PLSCR2: variants seen among roughly 807,000 people sequenced by gnomAD.
The protein encoded by PLSCR2 is phospholipid scramblase 2.
A neutral mutation model predicts 25.3 loss-of-function variants in PLSCR2; 18 were observed. The ratio of observed to expected loss-of-function variants is 0.71; its 90% CI spans 0.49 to 1.06. PLSCR2 has a LOEUF of 1.06. Among genes scored for constraint, PLSCR2 ranks in the 50% least tolerant of loss-of-function variants. The pLI, the probability that PLSCR2 is intolerant of heterozygous loss-of-function variation, is 0.00. For missense variants in PLSCR2, 243 were observed against 269.5 expected, an observed-to-expected ratio of 0.90 and a Z score of 0.69; for synonymous variants, 88 against 87.3, an observed-to-expected ratio of 1.01 and a Z score of -0.04.
exon 2 of PLSCR2, chr3:146,460,023 T>C (rs2041471659): frequency 6.2e-7 from 1 of 1,602,374 alleles, no homozygotes; most frequent in African/African-American, 1.3e-5. Context: ...GCCCAGGTGG[T>C]CAGCCTGTTT....
chr3:146,395,579 C>G (rs569804830), intron 3 of PLSCR2, among the ~76,000 whole-genome samples: 1 of 152,290 alleles, frequency 6.6e-6, no homozygotes, highest in African/African-American at 2.4e-5. Context: ...CTAGGACACT[C>G]TAATTTTTGC....
intron 8 of PLSCR2, among the ~76,000 whole-genome samples, chr3:146,435,871 GCCTAGGTTTTCT>G (rs2108168909): frequency 6.6e-6 from 1 of 152,266 alleles, no homozygotes; most frequent in East Asian, 1.9e-4. Context: ...GAATGGTATT[GCCTAGGTTTTCT>G]CCTAGGGTTT....
intron 4 of PLSCR2, among the ~76,000 whole-genome samples, 181 bp downstream of exon 4, chr3:146,455,058 C>T (rs1447715208): frequency 6.6e-6 from 1 of 152,120 alleles, no homozygotes; most frequent in Non-Finnish European, 1.5e-5. Flanking sequence ...CTGCGGGACA[C>T]GAGGCTAACT....
chr3:146,413,315 A>C (rs1467106487), intron 2 of PLSCR2, among the ~76,000 whole-genome samples: 1 of 152,000 alleles, frequency 6.6e-6, no homozygotes, highest in African/African-American at 2.4e-5. Flanking sequence ...GCTTGGCTAC[A>C]CTTTTGGTTT....
downstream of PLSCR2, among the ~76,000 whole-genome samples, chr3:146,429,991 G>A (rs1334959432): frequency 6.6e-6 from 1 of 152,088 alleles, no homozygotes; most frequent in African/African-American, 2.4e-5. Context: ...TTCTGTCCTA[G>A]GATAATTAAA....
At chr3:146,428,241 G>T (rs982691644) in intron 2 of PLSCR2, among the ~76,000 whole-genome samples, 4 of 152,108 alleles carry the variant, frequency 2.6e-5, no homozygotes, top group Admixed American at 1.3e-4. Flanking sequence ...GATTAAAGTT[G>T]AAATGTTTCT....
intron 1 of PLSCR2, among the ~76,000 whole-genome samples, chr3:146,495,579 C>A (rs2043718088): frequency 6.6e-6 from 1 of 152,174 alleles, no homozygotes; most frequent in African/African-American, 2.4e-5. Flanking sequence ...CCCCTCCCCG[C>A]TTCTGCCCTG....
chr3:146,478,425 C>T (rs76032259), intron 1 of PLSCR2, among the ~76,000 whole-genome samples: 4,247 of 152,114 alleles, frequency 0.028, 225 homozygotes, highest in African/African-American at 0.097. Flanking sequence ...AAAACCATGG[C>T]ATGAGAACTT....
At chr3:146,427,373 G>A (rs1470903451) in intron 2 of PLSCR2, among the ~76,000 whole-genome samples, 1 of 152,162 alleles carries the variant, frequency 6.6e-6, no homozygotes, top group Non-Finnish European at 1.5e-5. Flanking sequence ...CTACATGGAG[G>A]AGGAAACACT....
intron 1 of PLSCR2, among the ~76,000 whole-genome samples, chr3:146,486,021 T>C (rs1195294675): frequency 6.6e-6 from 1 of 152,092 alleles, no homozygotes; most frequent in Non-Finnish European, 1.5e-5. Flanking sequence ...GTGGAAATTA[T>C]GGGTGCTACA....
In PLSCR2 at chr3:146,406,704, G is replaced by A. The variant is rs190450561; in HGVS notation, c.101-10783C>T. ...GGGCTCTGTTGGACTTTTTGATGCA[G>A]GAGTGATGAATCTAAGCAGGAATGC... On this transcript the variant is annotated intron_variant and NMD_transcript_variant, in intron 2 of 3. Coordinates refer to the PLSCR2 transcript ENST00000463633. Among the ~76,000 whole-genome samples the A allele has an allele frequency of 1.1e-4, 17 of 152,304 alleles. No individual in the cohort carries two copies. The East Asian group carries it at 3.1e-3, about 28-fold the overall frequency.
At chr3:146,414,142 C>T (rs192990861) in intron 2 of PLSCR2, among the ~76,000 whole-genome samples, 2 of 152,076 alleles carry the variant, frequency 1.3e-5, no homozygotes, top group Non-Finnish European at 2.9e-5. Context: ...GAATCCACTC[C>T]CACAATAACT....
At chr3:146,449,143 G>C in intron 6 of PLSCR2, 63 bp downstream of exon 6, 1 of 1,127,300 alleles carries the variant, frequency 8.9e-7, no homozygotes, top group Non-Finnish European at 1.3e-6. Context: ...ATAATTTATT[G>C]AAGTATTTCA....
intron 2 of PLSCR2, among the ~76,000 whole-genome samples, chr3:146,401,193 A>G (rs1272071360): frequency 9.2e-5 from 14 of 152,050 alleles, no homozygotes; most frequent in African/African-American, 2.4e-5. Flanking sequence ...AAAATTTGCA[A>G]TGTTGTGGAT....
chr3:146,447,009 C>T lies in PLSCR2; in HGVS notation c.645+2197G>A, dbSNP rs139209887. On this transcript the variant is annotated intron_variant, in intron 6 of 6. Coordinates refer to ENST00000610787, the Ensembl canonical transcript of PLSCR2. Reference sequence around the variant, plus strand: ...ATTACCTAGCTTATACTTATGTTCACTGATGTTCACTCAAGGCCCAAGTGC... The same window carrying T: ...ATTACCTAGCTTATACTTATGTTCATTGATGTTCACTCAAGGCCCAAGTGC... 3.9e-4 allele frequency among the ~76,000 whole-genome samples: 60 copies of T among 152,332 alleles called. 1 individual carries two copies. The East Asian group carries it at 0.011, about 27-fold the overall frequency.
chr3:146,428,676 C>T (rs982615861), downstream of PLSCR2, among the ~76,000 whole-genome samples: 2 of 152,140 alleles, frequency 1.3e-5, no homozygotes, highest in Non-Finnish European at 2.9e-5. Context: ...CAGACAATGG[C>T]TTCTGCATTT....
chr3:146,431,906 A>G (rs946370656), downstream of PLSCR2, among the ~76,000 whole-genome samples: 1 of 151,642 alleles, frequency 6.6e-6, no homozygotes, highest in African/African-American at 2.4e-5. Flanking sequence ...TCCTGTACAC[A>G]TCAAGATCTA....
In PLSCR2 at chr3:146,398,407, A is replaced by G. The variant is rs147563012; in HGVS notation, c.101-2486T>C. Among the ~76,000 whole-genome samples, 19 of 151,858 alleles carry G rather than the reference A, an allele frequency of 1.3e-4. No homozygotes were observed. In the East Asian group the frequency reaches 3.7e-3, roughly 29 times the overall value. ...ATAAAGTTTAATTTTCTCTGTCAAT[A>G]TTCTTTGAGATATTAAATAACAAAC... On this transcript the variant is annotated intron_variant and NMD_transcript_variant, in intron 2 of 3. Transcript: ENST00000463633.
At chr3:146,408,838 T>C (rs1292381943) in intron 2 of PLSCR2, among the ~76,000 whole-genome samples, 3 of 152,144 alleles carry the variant, frequency 2.0e-5, no homozygotes, top group African/African-American at 7.2e-5. Flanking sequence ...GAGATACTGG[T>C]GAAAATCATC....
Sources: allele counts gnomAD v4.1 joint callset (sites outside exome capture counted in the v4.1 genomes callset), GRCh38; gene constraint gnomAD v4.1.1; transcripts MANE v1.5; gene names NCBI Gene and HGNC (gene_info 2026-07-23, HGNC 2026-07-21).